Variants in NLGN4Y observed in about 807,000 individuals in gnomAD.
NLGN4Y encodes the protein neuroligin-4, Y-linked.
In NLGN4Y, 4 loss-of-function variants were observed where a neutral mutation model predicts 8.4. That is an observed-to-expected ratio of 0.48 (90% confidence interval 0.23 to 1.09). The LOEUF is 1.09. Among genes scored for constraint, NLGN4Y ranks in the 50% least tolerant of loss-of-function variants. The probability of loss-of-function intolerance (pLI) is 0.19; values close to 1 mark genes in which losing one functional copy is unlikely to be tolerated. For missense variants in NLGN4Y, 90 were observed against 192.3 expected, an observed-to-expected ratio of 0.47 and a Z score of 3.15; for synonymous variants, 35 against 75.6, an observed-to-expected ratio of 0.46 and a Z score of 2.78.
chrY:14,576,778 C>G, intron 1 of NLGN4Y, among the ~76,000 whole-genome samples: 1 of 33,435 alleles, frequency 3.0e-5, no homozygotes, highest in Non-Finnish European at 7.4e-5. Flanking sequence ...CTAGGGATAT[C>G]AGAGAGTTGA....
chrY:14,706,360 CAGA>C (rs2080877753), intron 2 of NLGN4Y, among the ~76,000 whole-genome samples: 1 of 33,138 alleles, frequency 3.0e-5, no homozygotes, highest in Non-Finnish European at 7.5e-5. Flanking sequence ...ACCAGGGAAT[CAGA>C]AGGATTGAAA....
intron 4 of NLGN4Y, among the ~76,000 whole-genome samples, chrY:14,800,653 A>C: frequency 3.3e-5 from 1 of 30,693 alleles, no homozygotes; most frequent in Non-Finnish European, 7.8e-5. Context: ...ATATAAGTAT[A>C]TATATTATAT....
At position 14,842,949 on chromosome Y, in the gene NLGN4Y, G is replaced by T. The variant is rs1171363971; in HGVS notation, c.*1687G>T. ...TATATTTTGTCTTTCAAAGATTACT[G>T]CATTACCAAGAAACAGTAGCCAAAG... On this transcript the variant is annotated 3_prime_UTR_variant, in exon 7 of 7. Coordinates refer to ENST00000684976, the MANE Select transcript of NLGN4Y (RefSeq NM_001365588.1). 8.2e-6 allele frequency: 1 copy of T among 121,420 alleles called. No homozygotes were observed. Among genetic ancestry groups the T allele is most frequent in the Non-Finnish European group, 1.8e-5 (1 of 56,115 alleles). The allele number at this position is 121,420 out of a possible 400,897, so 30.3% of individuals were successfully genotyped here.
chrY:14,733,954 A>C, intron 4 of NLGN4Y, among the ~76,000 whole-genome samples: 1 of 33,416 alleles, frequency 3.0e-5, no homozygotes, highest in Non-Finnish European at 7.4e-5. Context: ...TGCAGACAGC[A>C]TGTTAACAGC....
Position 14,556,317 on chromosome Y carries a change from G to A in NLGN4Y, c.-112+31609G>A, listed in dbSNP as rs1482620883. On this transcript the variant is annotated intron_variant, in intron 1 of 6. Transcript: ENST00000684976. ...TTCCTTAATTCAGACTTACCTATTAGGTTATTAGTTATAATATAGGTTGAC... is the reference window on the plus strand; with the variant it reads ...TTCCTTAATTCAGACTTACCTATTAAGTTATTAGTTATAATATAGGTTGAC... Among the ~76,000 whole-genome samples, 3 of 33,072 alleles carry A rather than the reference G, an allele frequency of 9.1e-5. No homozygotes were observed. The East Asian group carries it at 2.4e-3, about 26-fold the overall frequency. The allele number at this position is 33,072 out of a possible 37,273, so 88.7% of individuals were successfully genotyped here. A position where few individuals can be genotyped will look rare whatever the true frequency, so the allele number is the denominator to read the frequency against.
chrY:14,652,609 T>C (rs2080633400), intron 2 of NLGN4Y, among the ~76,000 whole-genome samples: 1 of 33,474 alleles, frequency 3.0e-5, no homozygotes, highest in Non-Finnish European at 7.5e-5. Flanking sequence ...GGCAGAAGTT[T>C]GTTTATATTA....
At chrY:14,540,651 C>T (rs2080146614) in intron 1 of NLGN4Y, among the ~76,000 whole-genome samples, 1 of 33,484 alleles carries the variant, frequency 3.0e-5, no homozygotes, top group African/African-American at 1.2e-4. Context: ...CTTTGCTGCT[C>T]TGCAGCCTCC....
At chrY:14,735,024 G>A in intron 4 of NLGN4Y, among the ~76,000 whole-genome samples, 1 of 33,997 alleles carries the variant, frequency 2.9e-5, no homozygotes, top group Admixed American at 2.7e-4. Context: ...TGTAAAGAGC[G>A]TGCCTCTAAG....
At chrY:14,609,081 G>GA (rs2080457741) in intron 1 of NLGN4Y, among the ~76,000 whole-genome samples, 2 of 33,369 alleles carry the variant, frequency 6.0e-5, no homozygotes. Flanking sequence ...AGATTTTGCT[G>GA]AAGTTGCTTA....
intron 4 of NLGN4Y, among the ~76,000 whole-genome samples, chrY:14,724,051 A>C: frequency 3.0e-5 from 1 of 33,721 alleles, no homozygotes; most frequent in Non-Finnish European, 7.4e-5. Context: ...GTAAAAATCC[A>C]TTAAAATGAT....
Position 14,719,490 on chromosome Y carries a change from A to G in NLGN4Y, c.504A>G (p.Ile168Met). ...ACATAAAGAGAAATGCAGACGATAT[A>G]ACCAGTAATGACCATGGTGAAGATA... ...GTNIKRNADDITSNDHGEDKD... is the reference protein window; with the variant it reads ...GTNIKRNADDMTSNDHGEDKD... Residue 168 changes from isoleucine to methionine, a missense_variant, in exon 3 of 7, where the codon ATA becomes ATG. Physicochemically the swap from Ile to Met is conservative, Grantham distance 10. Transcript: ENST00000684976. 2.8e-5 allele frequency: 10 copies of G among 354,911 alleles called. No homozygotes were observed. Among genetic ancestry groups the G allele is most frequent in the Non-Finnish European group, 3.9e-5 (10 of 256,653 alleles). 88.5% of individuals were successfully genotyped at this position (354,911 alleles called of 400,897 possible).
intron 1 of NLGN4Y, among the ~76,000 whole-genome samples, chrY:14,597,652 G>C (rs2080407822): frequency 6.5e-5 from 2 of 30,694 alleles, no homozygotes; most frequent in East Asian, 8.9e-4. Context: ...GAGCTAGATA[G>C]AGAGTGCCGA....
chrY:14,705,157 C>G, intron 2 of NLGN4Y, among the ~76,000 whole-genome samples: 1 of 32,700 alleles, frequency 3.1e-5, no homozygotes, highest in Non-Finnish European at 7.5e-5. Flanking sequence ...CAAACAATAA[C>G]TCAGACAGAT....
intron 1 of NLGN4Y, among the ~76,000 whole-genome samples, chrY:14,558,600 C>CAT (rs2080217266): frequency 3.1e-5 from 1 of 32,534 alleles, no homozygotes. Context: ...GGGAAAAATA[C>CAT]ATACACAGAT....
chrY:14,822,103 C>A, intron 4 of NLGN4Y, among the ~76,000 whole-genome samples: 1 of 33,907 alleles, frequency 2.9e-5, no homozygotes, highest in African/African-American at 1.1e-4. Context: ...AGGCACTCCC[C>A]CTTTTTGATA....
At chrY:14,674,333 CT>C (rs751963564) in intron 2 of NLGN4Y, among the ~76,000 whole-genome samples, 11 of 20,661 alleles carry the variant, frequency 5.3e-4, no homozygotes, top group South Asian at 1.2e-3. Context: ...TTAATTTTTC[CT>C]TTTTTTTTTT....
Position 14,719,534 on chromosome Y carries a change from T to C in NLGN4Y, c.532+16T>C, listed in dbSNP as rs1569369564. The C allele has an allele frequency of 3.8e-6, 1 of 266,411 alleles. No homozygotes were observed. The allele number at this position is 266,411 out of a possible 400,897, so 66.5% of individuals were successfully genotyped here. ...GAAGATAAAGGTATTTTTTGTTTTTTCAAAGCTCAACCCTGATGCATGATT... is the reference window on the plus strand; with the variant it reads ...GAAGATAAAGGTATTTTTTGTTTTTCCAAAGCTCAACCCTGATGCATGATT... On this transcript the variant is annotated intron_variant, in intron 3 of 6. Transcript: ENST00000684976.
At chrY:14,745,016 A>C in intron 4 of NLGN4Y, among the ~76,000 whole-genome samples, 1 of 33,511 alleles carries the variant, frequency 3.0e-5, no homozygotes, top group Non-Finnish European at 7.4e-5. Flanking sequence ...AGTCTTGCAA[A>C]ACTATAGCTA....
At chrY:14,760,512 C>A (rs2081076519) in intron 4 of NLGN4Y, among the ~76,000 whole-genome samples, 1 of 32,879 alleles carries the variant, frequency 3.0e-5, no homozygotes, top group African/African-American at 1.2e-4. Context: ...GAAGAGCAAT[C>A]TATGATGTAA....
Sources: allele counts gnomAD v4.1 joint callset (sites outside exome capture counted in the v4.1 genomes callset), GRCh38; gene constraint gnomAD v4.1.1; transcripts MANE v1.5; gene names NCBI Gene and HGNC (gene_info 2026-07-23, HGNC 2026-07-21).